The following TAF12 variants were observed in gnomAD, a reference collection of about 807,000 sequenced individuals.
The protein encoded by TAF12 is transcription initiation factor TFIID subunit 12.
In TAF12, 3 loss-of-function variants were observed where a neutral mutation model predicts 20.8. The ratio of observed to expected loss-of-function variants is 0.14; its 90% CI spans 0.07 to 0.37. TAF12 has a LOEUF of 0.37. Among genes scored for constraint, TAF12 ranks in the 10% least tolerant of loss-of-function variants. TAF12 has a pLI of 1.00. For missense variants in TAF12, 131 were observed against 197.9 expected, an observed-to-expected ratio of 0.66 and a Z score of 2.03; for synonymous variants, 69 against 70.2, an observed-to-expected ratio of 0.98 and a Z score of 0.09.
chr1:28,626,866 C>A (rs1188732537), intron 1 of TAF12, among the ~76,000 whole-genome samples: 1 of 151,636 alleles, frequency 6.6e-6, no homozygotes, highest in Non-Finnish European at 1.5e-5. Context: ...GCCAAGATCG[C>A]ACCATTGCAA....
At chr1:28,623,885 G>T in intron 1 of TAF12, 2 of 865,664 alleles carry the variant, frequency 2.3e-6, no homozygotes, top group Non-Finnish European at 2.8e-6. Context: ...CAGCTTGGGT[G>T]TCATCACGAT....
At position 28,617,977 on chromosome 1, in the gene TAF12, C is replaced by T. The variant is rs1667095538; in HGVS notation, c.222G>A (p.Glu74=). The T allele has an allele frequency of 6.2e-7, 1 of 1,613,964 alleles. No individual in the cohort carries two copies. Among genetic ancestry groups the T allele is most frequent in the Non-Finnish European group, 8.5e-7 (1 of 1,179,986 alleles). Residue 74 remains glutamate, a synonymous_variant, in exon 3 of 6, where the codon GAG becomes GAA. Transcript: ENST00000373824. ...CCTCCTCCACATCTTCATCCAACTG[C>T]TCATTAGGATCCACTTCTCTTACTA... ...QDLVREVDPN[E]QLDEDVEEML...
chr1:28,609,027 G>A (rs9426386), intron 4 of TAF12, among the ~76,000 whole-genome samples: 34,320 of 151,906 alleles, frequency 0.23, 3,996 homozygotes, highest in African/African-American at 0.29. Context: ...ATGTAACTAC[G>A]TATACCTATA....
chr1:28,642,647 A>AC, intron 1 of TAF12: 2 of 985,174 alleles, frequency 2.0e-6, no homozygotes, highest in Non-Finnish European at 2.4e-6. Context: ...TCACCGCTCC[A>AC]CTTTTACCTC....
chr1:28,644,413 C>CT (rs1428183699), upstream of TAF12, among the ~76,000 whole-genome samples: 2 of 152,236 alleles, frequency 1.3e-5, no homozygotes, highest in Non-Finnish European at 2.9e-5. Flanking sequence ...GCTCTCCATT[C>CT]TTTTTAGGGT....
intron 1 of TAF12, among the ~76,000 whole-genome samples, chr1:28,641,038 A>G (rs777344998): frequency 6.6e-6 from 1 of 152,046 alleles, no homozygotes; most frequent in Non-Finnish European, 1.5e-5. Context: ...ACTGCACTCC[A>G]ATATGGGCAA....
chr1:28,640,475 T>A (rs1262396013), intron 1 of TAF12, among the ~76,000 whole-genome samples: 1 of 152,202 alleles, frequency 6.6e-6, no homozygotes, highest in Non-Finnish European at 1.5e-5. Flanking sequence ...TGGGTCACTG[T>A]GTGATTTCAG....
chr1:28,615,028 G>A (rs1666982663), intron 3 of TAF12, among the ~76,000 whole-genome samples: 1 of 151,714 alleles, frequency 6.6e-6, no homozygotes, highest in Non-Finnish European at 1.5e-5. Flanking sequence ...ACGCCTGCTT[G>A]AGTCCAGTTA....
At chr1:28,636,875 A>G (rs1667844563) in intron 1 of TAF12, among the ~76,000 whole-genome samples, 1 of 152,042 alleles carries the variant, frequency 6.6e-6, no homozygotes, top group Admixed American at 6.6e-5. Context: ...ATGGGGTCTG[A>G]GGTGACGGAA....
intron 1 of TAF12, among the ~76,000 whole-genome samples, chr1:28,632,859 A>C (rs780931013): frequency 6.6e-6 from 1 of 151,954 alleles, no homozygotes; most frequent in Non-Finnish European, 1.5e-5. Context: ...ATTGTATATA[A>C]ATTTTAAAAA....
At chr1:28,624,182 C>T (rs748799882) in intron 1 of TAF12, among the ~76,000 whole-genome samples, 3 of 152,150 alleles carry the variant, frequency 2.0e-5, no homozygotes, top group Non-Finnish European at 1.5e-5. Context: ...ACAAACATCT[C>T]CATCTCTTTC....
At chr1:28,633,912 CAAAA>C (rs34756071) in intron 1 of TAF12, among the ~76,000 whole-genome samples, 1 of 47,514 alleles carries the variant, frequency 2.1e-5, no homozygotes, top group African/African-American at 8.1e-5. Flanking sequence ...AACTCCATCT[CAAAA>C]AAAAAAAAAA....
chr1:28,638,906 C>T (rs1312622718), intron 1 of TAF12, among the ~76,000 whole-genome samples: 1 of 150,994 alleles, frequency 6.6e-6, no homozygotes, highest in Non-Finnish European at 1.5e-5. Flanking sequence ...ATTCTCCTGC[C>T]TCAGCCTCCC....
chr1:28,638,634 C>T (rs1017744498), intron 1 of TAF12, among the ~76,000 whole-genome samples: 5 of 149,692 alleles, frequency 3.3e-5, no homozygotes, highest in African/African-American at 9.9e-5. Context: ...TATAAGCACA[C>T]GCCACTATGT....
rs145787164 is a variant in TAF12 at position 28,622,120 on chromosome 1, C to T, written c.-39G>A. On this transcript the variant is annotated 5_prime_UTR_variant, in exon 2 of 6. Transcript: ENST00000373824. Reference sequence around the variant, plus strand: ...TTGGACTTCAGCTCATAGAGCTTATCGAGATCCTGTTTCTTTTTGGAGCTG... The same window carrying T: ...TTGGACTTCAGCTCATAGAGCTTATTGAGATCCTGTTTCTTTTTGGAGCTG... 1.5e-5 allele frequency: 23 copies of T among 1,570,938 alleles called. No homozygotes were observed. The highest frequency in any genetic ancestry group is 2.3e-5 in the East Asian group (1 of 44,104).
At chr1:28,640,865 C>T (rs967775675) in intron 1 of TAF12, among the ~76,000 whole-genome samples, 1 of 151,986 alleles carries the variant, frequency 6.6e-6, no homozygotes. Flanking sequence ...CATTTGAGGC[C>T]AAGAATTCAA....
intron 1 of TAF12, among the ~76,000 whole-genome samples, chr1:28,627,648 G>A (rs557531337): frequency 1.5e-3 from 196 of 126,514 alleles, no homozygotes; most frequent in African/African-American, 5.7e-3. Context: ...AGCCGAGATC[G>A]CGCCACTGCA....
intron 1 of TAF12, among the ~76,000 whole-genome samples, chr1:28,638,058 T>G (rs1667903744): frequency 6.6e-6 from 1 of 152,142 alleles, no homozygotes; most frequent in African/African-American, 2.4e-5. Context: ...TGGAGTGCAG[T>G]GGCACAATCT....
At chr1:28,630,785 C>T (rs1667591003) in intron 1 of TAF12, among the ~76,000 whole-genome samples, 1 of 152,024 alleles carries the variant, frequency 6.6e-6, no homozygotes, top group Non-Finnish European at 1.5e-5. Context: ...GTGGCTCACA[C>T]CTGTAATCCC....
Sources: allele counts gnomAD v4.1 joint callset (sites outside exome capture counted in the v4.1 genomes callset), GRCh38; gene constraint gnomAD v4.1.1; transcripts MANE v1.5; gene names NCBI Gene and HGNC (gene_info 2026-07-23, HGNC 2026-07-21).